Variants in TTBK2 observed in about 807,000 individuals in gnomAD.
TTBK2 encodes tau tubulin kinase 2.
A neutral mutation model predicts 110.8 loss-of-function variants in TTBK2; 28 were observed. That is an observed-to-expected ratio of 0.25 (90% CI 0.19 to 0.35). TTBK2 has a LOEUF of 0.35. Ranked by LOEUF, TTBK2 falls within the 10% of genes least tolerant of loss-of-function variation. The pLI is 1.00. For synonymous variants in TTBK2, 532 were observed against 527.3 expected, an observed-to-expected ratio of 1.01 and a Z score of -0.12; for missense variants, 1,369 against 1,500.3, an observed-to-expected ratio of 0.91 and a Z score of 1.45.
chr15:42,745,873 G>C lies in TTBK2; in HGVS notation c.3657C>G (p.Ser1219=). 6.2e-7 allele frequency: 1 copy of C among 1,614,072 alleles called. No individual in the cohort carries two copies. Residue 1219 remains serine, a synonymous_variant, in exon 15 of 15, where the codon TCC becomes TCG. Coordinates refer to ENST00000267890, the MANE Select transcript of TTBK2 (RefSeq NM_173500.4). ...CKPSKNGLKG[S]GSLHHHSAST... is the part of the protein sequence containing the mutation. ...TGGCTGAGTGGTGGTGGAGGCTGCC[G>C]GATCCTTTCAGGCCATTCTTGCTGG...
In TTBK2 at chr15:42,783,433, G is replaced by A. The variant is rs1890260386; in HGVS notation, c.1183C>T (p.Leu395Phe). 6.2e-7 allele frequency: 1 copy of A among 1,613,916 alleles called. No individual in the cohort carries two copies. The highest frequency in any genetic ancestry group is 8.5e-7 in the Non-Finnish European group (1 of 1,179,854). Residue 395 changes from leucine (L) to phenylalanine (F), a missense_variant, in exon 11 of 15, where the codon CTT becomes TTT. By Grantham distance (22) the Leu-to-Phe change is conservative (BLOSUM62 0). Around this residue, in one of 4 missense-constraint regions of TTBK2, gnomAD observed 1,097 missense variants for 1,114.7 expected, o/e 0.98. Transcript: ENST00000267890. ...EMDANKNKIK[L>F]GICKAATEEE... Reference sequence around the variant, plus strand: ...GGTACTCATACCTTACAAATTCCAAGCTTTATCTTGTTTTTGTTGGCATCC... The same window carrying A: ...GGTACTCATACCTTACAAATTCCAAACTTTATCTTGTTTTTGTTGGCATCC...
chr15:42,850,710 AT>A (rs913846332), intron 3 of TTBK2, among the ~76,000 whole-genome samples: 1 of 152,172 alleles, frequency 6.6e-6, no homozygotes, highest in African/African-American at 2.4e-5. Flanking sequence ...TAGAATCACA[AT>A]TTTTTTAAAG....
chr15:42,868,597 CT>C (rs1894479800), intron 3 of TTBK2, among the ~76,000 whole-genome samples: 1 of 151,478 alleles, frequency 6.6e-6, no homozygotes, highest in Non-Finnish European at 1.5e-5. Flanking sequence ...TGGTTCACAC[CT>C]TTAATCCCAA....
chr15:42,786,367 G>A (rs1044974218), intron 10 of TTBK2, among the ~76,000 whole-genome samples: 1 of 152,114 alleles, frequency 6.6e-6, no homozygotes, highest in African/African-American at 2.4e-5. Flanking sequence ...TAACATACAT[G>A]TACTACATGG....
At chr15:42,878,492 T>TATACAC in intron 2 of TTBK2, 57 bp downstream of exon 2, 2 of 1,541,596 alleles carry the variant, frequency 1.3e-6, no homozygotes, top group African/African-American at 1.4e-5. Context: ...CCGATATGTA[T>TATACAC]ACACACACAC....
intron 4 of TTBK2, among the ~76,000 whole-genome samples, chr15:42,838,395 G>T (rs1032084033): frequency 3.2e-4 from 48 of 151,622 alleles, no homozygotes; most frequent in Admixed American, 3.2e-3. Context: ...TGTGTTTTCA[G>T]GGTCAGAGGT....
In TTBK2 at chr15:42,746,293, T is replaced by C. The variant is rs116718595; in HGVS notation, c.3273-36A>G. 7,052 of 1,515,254 alleles carry C rather than the reference T, an allele frequency of 4.7e-3. 293 individuals carry two copies. In the African/African-American group the frequency reaches 0.087, roughly 19 times the overall value. 93.9% of individuals were successfully genotyped at this position (1,515,254 alleles called of 1,614,324 possible). On this transcript the variant is annotated intron_variant, in intron 14 of 14. Coordinates refer to ENST00000267890, the MANE Select transcript of TTBK2 (RefSeq NM_173500.4). ...CAGAGAAAATATATTTTAATTTTAA[T>C]TCATTTCAAGTGTGCCTAAAAAGTC...
chr15:42,872,847 A>T, intron 2 of TTBK2, 89 bp from the exon 3 acceptor site: 1 of 1,448,538 alleles, frequency 6.9e-7, no homozygotes, highest in Admixed American at 2.0e-5. Flanking sequence ...GAAAATGTAT[A>T]ATTTTATAAT....
chr15:42,837,657 CAA>C (rs35898464), intron 4 of TTBK2, among the ~76,000 whole-genome samples: 654 of 39,862 alleles, frequency 0.016, 1 homozygote, highest in African/African-American at 0.055. Flanking sequence ...GACTCTGTCT[CAA>C]AAAAAAAAAA....
intron 13 of TTBK2, among the ~76,000 whole-genome samples, chr15:42,771,220 G>C (rs1451474168): frequency 1.3e-5 from 2 of 152,012 alleles, no homozygotes; most frequent in East Asian, 3.9e-4. Flanking sequence ...TGATCCGCCA[G>C]CCTTGGCCTC....
chr15:42,759,858 A>C (rs574721802), intron 13 of TTBK2, among the ~76,000 whole-genome samples: 2 of 152,298 alleles, frequency 1.3e-5, no homozygotes, highest in East Asian at 1.9e-4. Context: ...ATGAAAAAGC[A>C]AGGAAATATG....
rs866233995 is a variant in TTBK2, at chr15:42,879,357, T to C, written c.-67-673A>G. 3.9e-5 allele frequency among the ~76,000 whole-genome samples: 6 copies of C among 152,288 alleles called. No homozygotes were observed. In the South Asian group the frequency reaches 8.3e-4, roughly 21 times the overall value. On this transcript the variant is annotated intron_variant, in intron 1 of 14. Transcript: ENST00000267890. ...GGCAAGACAGTAAAGGGTGCTGTAC[T>C]TTGTAGAAAAAGGAGATAAATGTTG...
chr15:42,910,235 G>A (rs2030667699), intron 1 of TTBK2, among the ~76,000 whole-genome samples: 1 of 151,750 alleles, frequency 6.6e-6, no homozygotes, highest in African/African-American at 2.4e-5. Context: ...CTAGCAGTGT[G>A]AGAGAGAGTA....
chr15:42,832,257 A>G (rs1892793196), intron 4 of TTBK2, among the ~76,000 whole-genome samples: 1 of 152,232 alleles, frequency 6.6e-6, no homozygotes, highest in Admixed American at 6.5e-5. Context: ...TGCCGAAAAT[A>G]TACCTAAAAT....
chr15:42,873,179 C>T (rs1894678823), intron 2 of TTBK2, among the ~76,000 whole-genome samples: 1 of 152,110 alleles, frequency 6.6e-6, no homozygotes, highest in African/African-American at 2.4e-5. Flanking sequence ...CACCTGTAAA[C>T]CTAGCACTTT....
intron 3 of TTBK2, among the ~76,000 whole-genome samples, chr15:42,869,152 T>A (rs1379111574): frequency 2.0e-5 from 3 of 152,084 alleles, no homozygotes; most frequent in African/African-American, 7.2e-5. Flanking sequence ...CAATGGCGCC[T>A]TCTTGGCTCA....
chr15:42,912,660 G>C (rs1157596028), intron 1 of TTBK2, among the ~76,000 whole-genome samples: 1 of 151,850 alleles, frequency 6.6e-6, no homozygotes, highest in African/African-American at 2.4e-5. Context: ...GCAGTGAGCT[G>C]AGATTGCAAG....
At chr15:42,813,805 C>T (rs1226554102) in intron 7 of TTBK2, among the ~76,000 whole-genome samples, 1 of 151,194 alleles carries the variant, frequency 6.6e-6, no homozygotes, top group African/African-American at 2.4e-5. Flanking sequence ...AAGATCACAC[C>T]ATTGCAGTCC....
intron 3 of TTBK2, among the ~76,000 whole-genome samples, chr15:42,861,300 T>C (rs571687200): frequency 3.3e-5 from 5 of 152,210 alleles, no homozygotes; most frequent in African/African-American, 7.2e-5. Context: ...CCACAGAATA[T>C]ACATTCTTCT....
Sources: allele counts gnomAD v4.1 joint callset (sites outside exome capture counted in the v4.1 genomes callset), GRCh38; gene constraint gnomAD v4.1.1; regional missense constraint gnomAD v4.1.1; transcripts MANE v1.5; gene names NCBI Gene and HGNC (gene_info 2026-07-23, HGNC 2026-07-21).